Variants in TAFA1 observed in about 807,000 individuals in gnomAD.
TAFA1 encodes the protein TAFA chemokine like family member 1.
In TAFA1, 4 loss-of-function variants were observed where a neutral mutation model predicts 18.5. The ratio of observed to expected loss-of-function variants is 0.22; its 90% CI spans 0.11 to 0.49. The LOEUF (loss-of-function observed/expected upper bound fraction) is 0.49, where lower values mean the gene tolerates loss of function less well. Ranked by LOEUF, TAFA1 falls within the 20% of genes least tolerant of loss-of-function variation. The pLI is 0.98. For missense variants in TAFA1, 147 were observed against 169.0 expected, an observed-to-expected ratio of 0.87 and a Z score of 0.72; for synonymous variants, 56 against 55.2, an observed-to-expected ratio of 1.01 and a Z score of -0.06.
At chr3:68,421,515 C>T (rs1165970789) in intron 3 of TAFA1, among the ~76,000 whole-genome samples, 3 of 151,992 alleles carry the variant, frequency 2.0e-5, no homozygotes, top group Admixed American at 2.0e-4. Context: ...TTTCATATAC[C>T]TGGATGGAAT....
At chr3:68,056,537 G>A (rs1234196136) in intron 2 of TAFA1, among the ~76,000 whole-genome samples, 1 of 152,132 alleles carries the variant, frequency 6.6e-6, no homozygotes, top group Non-Finnish European at 1.5e-5. Flanking sequence ...GCTTTAATAT[G>A]ATACAGTGAA....
At chr3:68,525,059 C>T (rs955012953) in intron 3 of TAFA1, among the ~76,000 whole-genome samples, 4 of 152,096 alleles carry the variant, frequency 2.6e-5, no homozygotes, top group African/African-American at 4.8e-5. Flanking sequence ...CAGTCAAAAG[C>T]GTAGGGGATG....
At chr3:68,445,293 A>G (rs1198310858) in intron 3 of TAFA1, among the ~76,000 whole-genome samples, 10 of 152,152 alleles carry the variant, frequency 6.6e-5, no homozygotes, top group Admixed American at 6.6e-4. Context: ...GACCACTCCA[A>G]TTTAGTTGGA....
intron 2 of TAFA1, among the ~76,000 whole-genome samples, chr3:68,059,259 C>T (rs2064572645): frequency 6.6e-6 from 1 of 151,966 alleles, no homozygotes; most frequent in Non-Finnish European, 1.5e-5. Context: ...ACACTAATCA[C>T]ACACACGCAT....
At chr3:68,087,048 G>A (rs2064978496) in intron 2 of TAFA1, among the ~76,000 whole-genome samples, 1 of 152,162 alleles carries the variant, frequency 6.6e-6, no homozygotes, top group South Asian at 2.1e-4. Flanking sequence ...TTAGAGTTTG[G>A]CATTTGTGGC....
intron 2 of TAFA1, among the ~76,000 whole-genome samples, chr3:68,383,945 A>G (rs1235676989): frequency 6.6e-6 from 1 of 150,684 alleles, no homozygotes; most frequent in East Asian, 1.9e-4. Flanking sequence ...TTTCTTCTAG[A>G]TTTTCTAGTT....
chr3:68,096,966 A>T (rs910137069), intron 2 of TAFA1, among the ~76,000 whole-genome samples: 1 of 152,134 alleles, frequency 6.6e-6, no homozygotes, highest in Non-Finnish European at 1.5e-5. Context: ...CACCTTCAGC[A>T]GGTAAAATGG....
chr3:68,424,031 T>C (rs1280901516), intron 3 of TAFA1, among the ~76,000 whole-genome samples: 3 of 152,036 alleles, frequency 2.0e-5, no homozygotes, highest in South Asian at 4.1e-4. Context: ...TCAGAAAACT[T>C]TCTTTCACGG....
At chr3:68,261,760 C>T (rs1575722422) in intron 2 of TAFA1, among the ~76,000 whole-genome samples, 1 of 151,986 alleles carries the variant, frequency 6.6e-6, no homozygotes, top group Non-Finnish European at 1.5e-5. Context: ...ACACCGGGAA[C>T]TGTTGTGGGG....
At chr3:68,444,214 A>T (rs773594646) in intron 3 of TAFA1, among the ~76,000 whole-genome samples, 6 of 152,144 alleles carry the variant, frequency 3.9e-5, no homozygotes, top group Non-Finnish European at 7.3e-5. Context: ...CTGTAGCCTC[A>T]AACAGTGAAA....
At chr3:68,155,885 G>T (rs1007223532) in intron 2 of TAFA1, among the ~76,000 whole-genome samples, 8 of 152,196 alleles carry the variant, frequency 5.3e-5, no homozygotes, top group Admixed American at 2.6e-4. Context: ...ATTGCATTCA[G>T]CTTCAGTTAC....
intron 3 of TAFA1, among the ~76,000 whole-genome samples, chr3:68,441,683 C>T (rs577117453): frequency 6.6e-6 from 1 of 152,196 alleles, no homozygotes; most frequent in East Asian, 1.9e-4. Context: ...TCTCAAATGC[C>T]CATGGTCTCC....
intron 2 of TAFA1, among the ~76,000 whole-genome samples, chr3:68,339,324 C>T (rs1220845230): frequency 6.6e-6 from 1 of 152,106 alleles, no homozygotes; most frequent in Non-Finnish European, 1.5e-5. Context: ...AATTTCAGAA[C>T]ATTTTTGCTA....
chr3:68,370,286 C>CAA lies in TAFA1; in HGVS notation c.119-46959_119-46958dup, dbSNP rs71618234. ...CTGGGCGACAAGGGAGACCCCATCT[C>CAA]AAAAAAAAAAAAAAAAAAAAAAAAA... On this transcript the variant is annotated intron_variant, in intron 2 of 4. Transcript: ENST00000478136. Among the ~76,000 whole-genome samples, 2 of 10,852 alleles carry CAA rather than the reference C, an allele frequency of 1.8e-4. 1 individual carries two copies. The highest frequency in any genetic ancestry group is 8.0e-4 in the African/African-American group (2 of 2,510). 7.1% of individuals were successfully genotyped at this position (10,852 alleles called of 152,430 possible).
At chr3:68,147,717 A>T (rs1489832327) in intron 2 of TAFA1, among the ~76,000 whole-genome samples, 2 of 152,196 alleles carry the variant, frequency 1.3e-5, no homozygotes, top group Non-Finnish European at 2.9e-5. Flanking sequence ...GCTCTATTGA[A>T]CGTGAATTCC....
chr3:68,064,350 A>G (rs1311250811), intron 2 of TAFA1, among the ~76,000 whole-genome samples: 1 of 152,230 alleles, frequency 6.6e-6, no homozygotes. Context: ...TGATGAAAGG[A>G]CAAAGTTTCA....
At chr3:68,119,754 T>C (rs1395286326) in intron 2 of TAFA1, among the ~76,000 whole-genome samples, 1 of 152,232 alleles carries the variant, frequency 6.6e-6, no homozygotes, top group Non-Finnish European at 1.5e-5. Context: ...TTTATGCCAG[T>C]ACCACACTGT....
intron 2 of TAFA1, among the ~76,000 whole-genome samples, chr3:68,136,008 A>G (rs1015615704): frequency 6.6e-6 from 1 of 152,186 alleles, no homozygotes; most frequent in Non-Finnish European, 1.5e-5. Flanking sequence ...AACAGATTGA[A>G]TTTCAGAAAG....
rs2069725664 is a variant in TAFA1, at chr3:68,372,396, G to C, written c.119-44884G>C. Among the ~76,000 whole-genome samples the C allele has an allele frequency of 2.0e-5, 3 of 152,154 alleles. No homozygotes were observed. The South Asian group carries it at 6.2e-4, about 32-fold the overall frequency. On this transcript the variant is annotated intron_variant, in intron 2 of 4. Coordinates refer to ENST00000478136, the MANE Select transcript of TAFA1 (RefSeq NM_213609.4). ...CAAGACTGTTGTGGACGTGGATCCA[G>C]ACTTAAATGGAGAATAATCAGTCCC...
Sources: allele counts gnomAD v4.1 joint callset (sites outside exome capture counted in the v4.1 genomes callset), GRCh38; gene constraint gnomAD v4.1.1; transcripts MANE v1.5; gene names NCBI Gene and HGNC (gene_info 2026-07-23, HGNC 2026-07-21).